Variants in SAMD12 observed in about 807,000 individuals in gnomAD.
SAMD12 encodes sterile alpha motif domain containing 12, also known as sterile alpha motif domain-containing protein 12.
In SAMD12, 9 loss-of-function variants were observed where a neutral mutation model predicts 15.0. The ratio of observed to expected loss-of-function variants is 0.60; its 90% CI spans 0.36 to 1.05. The LOEUF is 1.05. Among genes scored for constraint, SAMD12 ranks in the 50% least tolerant of loss-of-function variants. The pLI, the probability that SAMD12 is intolerant of heterozygous loss-of-function variation, is 0.01. For synonymous variants in SAMD12, 86 were observed against 90.1 expected (o/e 0.96, Z 0.25); for missense variants, 230 against 234.2 (o/e 0.98, Z 0.12).
intron 2 of SAMD12, among the ~76,000 whole-genome samples, chr8:118,556,808 C>G (rs574922001): frequency 6.6e-6 from 1 of 151,726 alleles, no homozygotes; most frequent in Non-Finnish European, 1.5e-5. Flanking sequence ...ACTAAAGATA[C>G]AAAAAATTGG....
chr8:118,403,272 C>T (rs780749105), intron 3 of SAMD12, among the ~76,000 whole-genome samples: 7 of 151,922 alleles, frequency 4.6e-5, no homozygotes, highest in African/African-American at 1.7e-4. Context: ...TCCTAACTTG[C>T]ACAAATTGGA....
intron 4 of SAMD12, among the ~76,000 whole-genome samples, chr8:118,280,688 C>G (rs1475012477): frequency 6.6e-6 from 1 of 152,136 alleles, no homozygotes; most frequent in Non-Finnish European, 1.5e-5. Context: ...AAATGAGAAA[C>G]TGGTTTGAGC....
intron 2 of SAMD12, among the ~76,000 whole-genome samples, chr8:118,537,590 A>G (rs1377060110): frequency 1.3e-5 from 2 of 152,174 alleles, no homozygotes; most frequent in Non-Finnish European, 2.9e-5. Context: ...CAGTATGTCA[A>G]TTGCATTTTT....
At chr8:118,198,787 G>A (rs939121703) in intron 4 of SAMD12, among the ~76,000 whole-genome samples, 8 of 152,218 alleles carry the variant, frequency 5.3e-5, no homozygotes, top group Middle Eastern at 3.4e-3. Flanking sequence ...ATTGTTGATG[G>A]CATTGTCAAC....
intron 3 of SAMD12, among the ~76,000 whole-genome samples, chr8:118,414,162 T>C (rs573268970): frequency 6.6e-6 from 1 of 152,368 alleles, no homozygotes; most frequent in East Asian, 1.9e-4. Flanking sequence ...CAAATATTTA[T>C]ATTCCACAGA....
chr8:118,620,399 CAAAAAAAAAAAA>C lies in SAMD12; in HGVS notation c.13+1393_13+1404del, dbSNP rs68126546. 7.5e-4 allele frequency among the ~76,000 whole-genome samples: 50 copies of C among 66,404 alleles called. 1 individual carries two copies. The highest frequency in any genetic ancestry group is 3.1e-3 in the African/African-American group (46 of 14,910). The allele number at this position is 66,404 out of a possible 152,430, so 43.6% of individuals were successfully genotyped here. A position where few individuals can be genotyped will look rare whatever the true frequency, so the allele number is the denominator to read the frequency against. ...GTCTTGACTATCAAGCATAACGATG[CAAAAAAAAAAAA>C]AAAAAAAAAAAAAAGATTCTCACCC... On this transcript the variant is annotated intron_variant, in intron 1 of 3. Coordinates refer to ENST00000314727, the MANE Select transcript of SAMD12 (RefSeq NM_207506.3).
intron 2 of SAMD12, among the ~76,000 whole-genome samples, chr8:118,465,288 C>G (rs2130948165): frequency 6.6e-6 from 1 of 152,274 alleles, no homozygotes; most frequent in South Asian, 2.1e-4. Context: ...ACTCATAAAA[C>G]TTGATGTCTT....
intron 2 of SAMD12, among the ~76,000 whole-genome samples, chr8:118,550,167 AAC>A (rs1563577800): frequency 2.0e-5 from 3 of 152,210 alleles, no homozygotes; most frequent in Admixed American, 2.0e-4. Flanking sequence ...AGATTCAGGA[AAC>A]ACAGAGAACG....
At chr8:118,441,887 C>T (rs2130893837) in intron 2 of SAMD12, among the ~76,000 whole-genome samples, 1 of 152,286 alleles carries the variant, frequency 6.6e-6, no homozygotes, top group East Asian at 1.9e-4. Flanking sequence ...TGTGAGGAAG[C>T]CCAGGTCACA....
chr8:118,541,291 G>A (rs919083819), intron 2 of SAMD12, among the ~76,000 whole-genome samples: 13 of 152,120 alleles, frequency 8.5e-5, no homozygotes, highest in African/African-American at 2.7e-4. Context: ...TGCCTTTCTG[G>A]CTCTAAGCCT....
intron 2 of SAMD12, among the ~76,000 whole-genome samples, chr8:118,528,716 T>C (rs1176907759): frequency 6.6e-6 from 1 of 152,188 alleles, no homozygotes; most frequent in Non-Finnish European, 1.5e-5. Flanking sequence ...AGTGAGTCTC[T>C]CTCAGACTTT....
intron 2 of SAMD12, among the ~76,000 whole-genome samples, chr8:118,535,416 G>T (rs1304095892): frequency 6.6e-6 from 1 of 152,244 alleles, no homozygotes; most frequent in African/African-American, 2.4e-5. Context: ...TGAGGACGCA[G>T]TCTGCCCGTT....
intron 4 of SAMD12, among the ~76,000 whole-genome samples, chr8:118,293,167 A>G (rs1034998500): frequency 2.0e-5 from 3 of 152,190 alleles, no homozygotes; most frequent in Non-Finnish European, 4.4e-5. Flanking sequence ...CTAAGACCAC[A>G]TAAGTGCTAA....
chr8:118,342,944 T>C (rs368932718), intron 4 of SAMD12, among the ~76,000 whole-genome samples: 1 of 152,076 alleles, frequency 6.6e-6, no homozygotes, highest in Admixed American at 6.5e-5. Context: ...GATAAGAATG[T>C]ATATGGTGGA....
At chr8:118,586,883 G>A (rs1827463335) in intron 1 of SAMD12, among the ~76,000 whole-genome samples, 2 of 152,184 alleles carry the variant, frequency 1.3e-5, no homozygotes, top group African/African-American at 4.8e-5. Context: ...CTGCCATTCG[G>A]TACTGATGCG....
the SAMD12 span, among the ~76,000 whole-genome samples, chr8:118,140,986 A>G: frequency 6.6e-6 from 1 of 152,214 alleles, no homozygotes; most frequent in African/African-American, 2.4e-5. Flanking sequence ...CTGAGATTTC[A>G]GGGTTTATCT....
intron 1 of SAMD12, among the ~76,000 whole-genome samples, chr8:118,582,682 C>T (rs1188748512): frequency 1.3e-5 from 2 of 152,072 alleles, no homozygotes; most frequent in Non-Finnish European, 2.9e-5. Flanking sequence ...AAATGAGGCT[C>T]AAATGGGTTA....
chr8:118,545,809 A>C (rs1826108267), intron 2 of SAMD12, among the ~76,000 whole-genome samples: 1 of 152,202 alleles, frequency 6.6e-6, no homozygotes, highest in African/African-American at 2.4e-5. Context: ...TATAGTTAAC[A>C]TGTGTCAAGC....
chr8:118,602,532 G>A (rs1827886460), intron 1 of SAMD12, among the ~76,000 whole-genome samples: 1 of 152,170 alleles, frequency 6.6e-6, no homozygotes, highest in African/African-American at 2.4e-5. Flanking sequence ...ACAATAAAAT[G>A]TACATAGACA....
Sources: gnomAD v4.1 joint callset for allele counts (sites outside exome capture counted in the v4.1 genomes callset) on GRCh38, gnomAD v4.1.1 for gene constraint, MANE v1.5 for transcripts, NCBI Gene and HGNC (gene_info 2026-07-23, HGNC 2026-07-21) for gene names.